ACER3: variants seen among roughly 807,000 people sequenced by gnomAD.
ACER3 encodes alkCDase 3.
In ACER3, 16 loss-of-function variants were observed where a neutral mutation model predicts 48.9. The observed-to-expected ratio is 0.33, with a 90% CI of 0.22 to 0.50. The LOEUF (loss-of-function observed/expected upper bound fraction) is 0.50. Among genes scored for constraint, ACER3 ranks in the 20% least tolerant of loss-of-function variants. The pLI is 0.98. For synonymous variants in ACER3, 109 were observed against 107.8 expected (o/e 1.01, Z -0.07); for missense variants, 227 against 326.0 (o/e 0.70, Z 2.34).
intron 1 of ACER3, among the ~76,000 whole-genome samples, chr11:76,907,810 G>A (rs908991119): frequency 6.6e-6 from 1 of 152,202 alleles, no homozygotes; most frequent in Non-Finnish European, 1.5e-5. Context: ...GGGAGAGCTT[G>A]CAGTGAGCTG....
At chr11:76,927,431 T>A (rs1400223617) in intron 2 of ACER3, among the ~76,000 whole-genome samples, 1 of 149,780 alleles carries the variant, frequency 6.7e-6, no homozygotes, top group African/African-American at 2.4e-5. Flanking sequence ...TTCTTTCTAG[T>A]AGTTTCATTT....
intron 3 of ACER3, among the ~76,000 whole-genome samples, chr11:76,960,230 G>T (rs554367830): frequency 1.3e-5 from 2 of 152,064 alleles, no homozygotes; most frequent in East Asian, 3.9e-4. Flanking sequence ...CCAACATGTG[G>T]AAACCCCGTC....
rs559344724 is a variant in ACER3 at position 76,987,511 on chromosome 11, G to A, written c.402+1787G>A. Reference sequence around the variant, plus strand: ...TCAATATGAAATGTGTTAAGATTGAGGTGCCTGACATTAATTACATCTGAG... The same window carrying A: ...TCAATATGAAATGTGTTAAGATTGAAGTGCCTGACATTAATTACATCTGAG... On this transcript the variant is annotated intron_variant, in intron 5 of 10. Coordinates refer to ENST00000532485, the MANE Select transcript of ACER3 (RefSeq NM_018367.7). Among the ~76,000 whole-genome samples, 92 of 152,280 alleles carry A rather than the reference G, an allele frequency of 6.0e-4. 1 individual carries two copies. The highest frequency in any genetic ancestry group is 2.7e-3 in the Admixed American group (42 of 15,296).
At chr11:76,994,466 G>A (rs945895678) in intron 6 of ACER3, among the ~76,000 whole-genome samples, 4 of 151,762 alleles carry the variant, frequency 2.6e-5, no homozygotes, top group Non-Finnish European at 5.9e-5. Flanking sequence ...GGGTTTTTTC[G>A]TGTTGGCCAG....
At chr11:76,939,794 T>A (rs1288804279) in intron 2 of ACER3, among the ~76,000 whole-genome samples, 1 of 152,176 alleles carries the variant, frequency 6.6e-6, no homozygotes, top group Non-Finnish European at 1.5e-5. Flanking sequence ...GTTAGTGTCA[T>A]GAAAAACAAA....
intron 7 of ACER3, among the ~76,000 whole-genome samples, chr11:77,014,286 C>G (rs1432383355): frequency 1.3e-5 from 2 of 152,130 alleles, no homozygotes; most frequent in African/African-American, 4.8e-5. Flanking sequence ...TGCATGCGCA[C>G]CCATCCACAA....
At chr11:76,862,245 A>G in intron 1 of ACER3, among the ~76,000 whole-genome samples, 1 of 151,966 alleles carries the variant, frequency 6.6e-6, no homozygotes, top group South Asian at 2.1e-4. Flanking sequence ...ATCATGACAA[A>G]TGGTCCCACT....
intron 7 of ACER3, among the ~76,000 whole-genome samples, chr11:77,001,237 T>C (rs1555019717): frequency 6.6e-6 from 1 of 152,068 alleles, no homozygotes; most frequent in African/African-American, 2.4e-5. Flanking sequence ...AGTTTTCTTG[T>C]AGATTTTTTT....
chr11:76,869,592 A>T (rs186719247), intron 1 of ACER3, among the ~76,000 whole-genome samples: 1 of 152,154 alleles, frequency 6.6e-6, no homozygotes, highest in African/African-American at 2.4e-5. Flanking sequence ...AATTTCCAGA[A>T]CTCTTCATCT....
At chr11:77,019,577 CAA>C in intron 9 of ACER3, 152 bp from the exon 10 acceptor site, 1 of 582,252 alleles carries the variant, frequency 1.7e-6, no homozygotes, top group South Asian at 2.2e-5. Flanking sequence ...AGTAGATGCT[CAA>C]AAAAAAAACA....
intron 5 of ACER3, among the ~76,000 whole-genome samples, chr11:76,989,846 C>T (rs998225885): frequency 2.0e-5 from 3 of 152,160 alleles, no homozygotes; most frequent in South Asian, 2.1e-4. Context: ...TAGGGCAATA[C>T]ATGCATGTTA....
chr11:76,867,971 A>G (rs1338327810), intron 1 of ACER3: 12 of 531,090 alleles, frequency 2.3e-5, no homozygotes, highest in South Asian at 2.2e-4. Flanking sequence ...ATTCACTTAG[A>G]TGGGGGAACA....
chr11:76,921,371 C>T (rs966852395), intron 1 of ACER3, among the ~76,000 whole-genome samples: 1 of 152,152 alleles, frequency 6.6e-6, no homozygotes, highest in African/African-American at 2.4e-5. Context: ...TTCAGAGAAG[C>T]TCCCATCTGG....
At chr11:77,001,491 T>C (rs1182256227) in intron 7 of ACER3, among the ~76,000 whole-genome samples, 5 of 152,106 alleles carry the variant, frequency 3.3e-5, no homozygotes, top group Non-Finnish European at 7.4e-5. Context: ...CTCCTGACCA[T>C]GTGATCTGCC....
intron 3 of ACER3, 80 bp downstream of exon 3, chr11:76,959,111 A>G (rs1239060007): frequency 4.4e-6 from 7 of 1,605,004 alleles, no homozygotes; most frequent in Admixed American, 1.7e-5. Flanking sequence ...GCACATAACT[A>G]TGGCTAAAAG....
intron 2 of ACER3, among the ~76,000 whole-genome samples, chr11:76,941,555 A>G (rs905010548): frequency 3.9e-5 from 6 of 152,050 alleles, no homozygotes; most frequent in African/African-American, 7.2e-5. Flanking sequence ...TGATGCCTCC[A>G]GCCTGTTCTT....
chr11:77,016,740 T>A lies in ACER3; in HGVS notation c.665T>A (p.Ile222Asn). 1 of 1,604,602 alleles carries A rather than the reference T, an allele frequency of 6.2e-7. No homozygotes were observed. The highest frequency in any genetic ancestry group is 8.5e-7 in the Non-Finnish European group (1 of 1,174,326). ...ITTQFHAWWH[I>N]LTGLGSYLHI... ...ACACAATTTCATGCATGGTGGCATA[T>A]TTTAACTGGCCTTGGTTCCTATCTT... is the stretch of plus-strand genomic sequence containing the variant. Residue 222 changes from isoleucine (I) to asparagine (N), a missense_variant, in exon 9 of 11, where the codon ATT becomes AAT. By Grantham distance (149) the Ile-to-Asn change is moderately radical. This residue lies in a region of ACER3 where 195 missense variants were observed against 290.8 expected (regional missense o/e 0.67). Transcript: ENST00000532485.
At chr11:76,874,648 G>A (rs1171763622) in intron 1 of ACER3, among the ~76,000 whole-genome samples, 3 of 152,176 alleles carry the variant, frequency 2.0e-5, no homozygotes, top group Admixed American at 6.5e-5. Context: ...AAGGCATTAA[G>A]TGCAAAAGCT....
chr11:76,931,394 A>C (rs1319961423), intron 2 of ACER3, among the ~76,000 whole-genome samples: 2 of 149,632 alleles, frequency 1.3e-5, no homozygotes, highest in African/African-American at 5.0e-5. Context: ...AATACAGCAC[A>C]CTGATGGGTC....
Sources: allele counts gnomAD v4.1 joint callset (sites outside exome capture counted in the v4.1 genomes callset), GRCh38; gene constraint gnomAD v4.1.1; regional missense constraint gnomAD v4.1.1; transcripts MANE v1.5; gene names NCBI Gene and HGNC (gene_info 2026-07-23, HGNC 2026-07-21).